SH3BGR: variants seen among roughly 807,000 people sequenced by gnomAD.
SH3BGR encodes SH3 domain binding glutamate rich protein, also known as SH3 domain-binding glutamic acid-rich protein.
SH3BGR carries 29 observed loss-of-function variants against 24.5 expected under a neutral mutation model. That is an observed-to-expected ratio of 1.18 (90% CI 0.88 to 1.61). The LOEUF is 1.61. Ranked by LOEUF, SH3BGR falls within the 40% of genes most tolerant of loss-of-function variation. The pLI is 0.00. For synonymous variants in SH3BGR, 55 were observed against 65.7 expected, an observed-to-expected ratio of 0.84 and a Z score of 0.79; for missense variants, 162 against 205.8, an observed-to-expected ratio of 0.79 and a Z score of 1.30.
rs142447557 is a variant in SH3BGR, at chr21:39,490,394, T to C, written c.313-9429T>C. Among the ~76,000 whole-genome samples, 452 of 152,352 alleles carry C rather than the reference T, an allele frequency of 3.0e-3. 1 individual carries two copies. Among genetic ancestry groups the C allele is most frequent in the African/African-American group, 0.01 (432 of 41,590 alleles). ...CCTGGAAGAAAAGAGACGATCCGTT[T>C]GGATTTTTGCACAGCTGTTCTGCAG... On this transcript the variant is annotated intron_variant, in intron 3 of 6. Coordinates refer to ENST00000333634, the MANE Select transcript of SH3BGR (RefSeq NM_007341.3).
chr21:39,464,830 ATAT>A, intron 2 of SH3BGR, among the ~76,000 whole-genome samples: 1 of 152,268 alleles, frequency 6.6e-6, no homozygotes, highest in South Asian at 2.1e-4. Flanking sequence ...GAAAGGGATA[ATAT>A]TTTTTTAGGG....
At chr21:39,509,210 G>T (rs1232137153) in intron 5 of SH3BGR, among the ~76,000 whole-genome samples, 183 bp downstream of exon 5, 1 of 152,156 alleles carries the variant, frequency 6.6e-6, no homozygotes, top group African/African-American at 2.4e-5. Context: ...TTTGTCCGAG[G>T]GAGGTGGAGA....
rs776783669 is a variant in SH3BGR at position 39,462,561 on chromosome 21, G to T, written c.231+1G>T. On this transcript the variant is annotated splice_donor_variant, in intron 2 of 6. Coordinates refer to ENST00000333634, the MANE Select transcript of SH3BGR (RefSeq NM_007341.3). LOFTEE classifies it high-confidence loss of function. ...CTTCAATGAGGAGCAGTACTGTGGG[G>T]TGAGTATGTGCTTCTATTAAAAATC... The T allele has an allele frequency of 6.5e-7, 1 of 1,543,592 alleles. No homozygotes were observed. The highest frequency in any genetic ancestry group is 8.7e-7 in the Non-Finnish European group (1 of 1,153,994).
intron 4 of SH3BGR, among the ~76,000 whole-genome samples, chr21:39,502,679 C>T (rs921790808): frequency 8.5e-5 from 13 of 152,202 alleles, no homozygotes; most frequent in African/African-American, 2.9e-4. Flanking sequence ...GTCTCACAGC[C>T]ATCCTGGGGT....
chr21:39,452,064 G>A lies in SH3BGR; in HGVS notation c.-33G>A, dbSNP rs545165354. On this transcript the variant is annotated 5_prime_UTR_variant, in exon 1 of 7. The change creates a new upstream start codon in the 5' untranslated region. Transcript: ENST00000333634. Reference sequence around the variant, plus strand: ...TAGCGGCGCATTCCCTGACAGGGGTGTGTTGGGGGGAGTCCTCTTTCCAAC... The same window carrying A: ...TAGCGGCGCATTCCCTGACAGGGGTATGTTGGGGGGAGTCCTCTTTCCAAC... 1.9e-6 allele frequency: 3 copies of A among 1,614,060 alleles called. No individual in the cohort carries two copies. Among genetic ancestry groups the A allele is most frequent in the East Asian group, 4.5e-5 (2 of 44,880 alleles).
intron 3 of SH3BGR, among the ~76,000 whole-genome samples, chr21:39,477,862 T>C (rs2078052784): frequency 6.6e-6 from 1 of 152,262 alleles, no homozygotes; most frequent in Admixed American, 6.5e-5. Context: ...TTGTGTGATA[T>C]TTTATTTTTT....
chr21:39,460,167 A>G (rs754184944), intron 1 of SH3BGR, among the ~76,000 whole-genome samples: 1 of 152,184 alleles, frequency 6.6e-6, no homozygotes, highest in Non-Finnish European at 1.5e-5. Context: ...GAACTCAGAG[A>G]GGAGCCAGGT....
At chr21:39,490,585 C>G (rs2078282465) in intron 3 of SH3BGR, among the ~76,000 whole-genome samples, 1 of 152,106 alleles carries the variant, frequency 6.6e-6, no homozygotes, top group Non-Finnish European at 1.5e-5. Flanking sequence ...TGGTAACGCC[C>G]TTTGTCTTTA....
rs182364943 is a variant in SH3BGR, at chr21:39,481,764, G to T, written c.312+6549G>T. ...CCTGGTTGTTGAGAGTAAACTTTTT[G>T]TTGTAGGTCAAATATCGAATAAATG... On this transcript the variant is annotated intron_variant, in intron 3 of 6. Coordinates refer to ENST00000333634, the MANE Select transcript of SH3BGR (RefSeq NM_007341.3). Among the ~76,000 whole-genome samples the T allele has an allele frequency of 2.9e-4, 44 of 152,164 alleles. No homozygotes were observed. The East Asian group carries it at 6.9e-3, about 24-fold the overall frequency.
chr21:39,482,576 T>C (rs77860245), intron 3 of SH3BGR, among the ~76,000 whole-genome samples: 3,140 of 152,328 alleles, frequency 0.021, 113 homozygotes, highest in African/African-American at 0.072. Context: ...TGCAGTTTGA[T>C]AAGACAGATG....
chr21:39,465,305 G>A (rs1023836783), intron 2 of SH3BGR, among the ~76,000 whole-genome samples: 4 of 152,164 alleles, frequency 2.6e-5, no homozygotes, highest in African/African-American at 9.7e-5. Context: ...ATCCACAGGA[G>A]GGCTCTGTAC....
At chr21:39,469,906 T>C (rs1475119345) in intron 2 of SH3BGR, among the ~76,000 whole-genome samples, 1 of 152,140 alleles carries the variant, frequency 6.6e-6, no homozygotes. Context: ...TCCACCAGCC[T>C]TGGCCTCCCA....
intron 3 of SH3BGR, among the ~76,000 whole-genome samples, chr21:39,475,631 AT>A (rs2078015452): frequency 6.6e-6 from 1 of 152,224 alleles, no homozygotes; most frequent in African/African-American, 2.4e-5. Flanking sequence ...TTCTATTTAA[AT>A]GAACCAAACT....
intron 3 of SH3BGR, among the ~76,000 whole-genome samples, chr21:39,498,265 A>G (rs1178798944): frequency 5.3e-5 from 8 of 152,200 alleles, no homozygotes; most frequent in Admixed American, 1.3e-4. Context: ...TGATTATCAC[A>G]GGAGGGTGGG....
At chr21:39,499,968 CT>C in intron 4 of SH3BGR, 53 bp downstream of exon 4, 1 of 1,274,908 alleles carries the variant, frequency 7.8e-7, no homozygotes, top group Non-Finnish European at 1.1e-6. Context: ...CTGTTCGAGA[CT>C]TTTACAGGGC....
At chr21:39,469,011 G>GTT (rs78313529) in intron 2 of SH3BGR, among the ~76,000 whole-genome samples, 56 of 134,406 alleles carry the variant, frequency 4.2e-4, no homozygotes, top group Admixed American at 1.1e-3. Flanking sequence ...AAGATGTCTA[G>GTT]TTTTTTTTTT....
chr21:39,462,655 C>A, intron 2 of SH3BGR, 95 bp downstream of exon 2: 1 of 795,414 alleles, frequency 1.3e-6, no homozygotes, highest in Non-Finnish European at 1.9e-6. Flanking sequence ...TGAAATTATT[C>A]ACAACTGTCA....
chr21:39,456,173 G>C (rs1185253035), intron 1 of SH3BGR, among the ~76,000 whole-genome samples: 1 of 152,210 alleles, frequency 6.6e-6, no homozygotes, highest in Non-Finnish European at 1.5e-5. Flanking sequence ...ATGTTGGTGA[G>C]GTGGCTTGGA....
chr21:39,447,255 C>T (rs1365085630), upstream of SH3BGR, among the ~76,000 whole-genome samples: 3 of 151,904 alleles, frequency 2.0e-5, no homozygotes, highest in African/African-American at 7.3e-5. Context: ...GGAGTTTTGC[C>T]ATTGCGGGAG....
Sources: gnomAD v4.1 joint callset for allele counts (sites outside exome capture counted in the v4.1 genomes callset) on GRCh38, gnomAD v4.1.1 for gene constraint, MANE v1.5 for transcripts, NCBI Gene and HGNC (gene_info 2026-07-23, HGNC 2026-07-21) for gene names.